The following TRAM2 variants were observed in gnomAD, a reference collection of about 807,000 sequenced individuals.
The protein encoded by TRAM2 is translocation associated membrane protein 2, also known as translocating chain-associated membrane protein 2.
A neutral mutation model predicts 51.0 loss-of-function variants in TRAM2; 12 were observed. The observed-to-expected ratio is 0.24, with a 90% CI of 0.15 to 0.38. TRAM2 has a LOEUF of 0.38. TRAM2 is among the 10% of genes least tolerant of loss of function. The pLI, the probability that TRAM2 is intolerant of heterozygous loss-of-function variation, is 1.00. For synonymous variants in TRAM2, 175 were observed against 179.4 expected, an observed-to-expected ratio of 0.98 and a Z score of 0.20; for missense variants, 361 against 462.0, an observed-to-expected ratio of 0.78 and a Z score of 2.00.
chr6:52,513,798 G>T (rs887271583), intron 4 of TRAM2, among the ~76,000 whole-genome samples: 1 of 152,186 alleles, frequency 6.6e-6, no homozygotes, highest in African/African-American at 2.4e-5. Context: ...GGAATGTATG[G>T]TTTTATTTCT....
At chr6:52,504,852 C>G in intron 9 of TRAM2, 98 bp from the exon 10 acceptor site, 3 of 1,142,780 alleles carry the variant, frequency 2.6e-6, no homozygotes, top group Non-Finnish European at 3.7e-6. Flanking sequence ...CCCTGCAGTT[C>G]CCATGGCTTA....
At chr6:52,557,696 G>A (rs1439688721) in intron 1 of TRAM2, among the ~76,000 whole-genome samples, 2 of 152,174 alleles carry the variant, frequency 1.3e-5, no homozygotes. Context: ...CAGGGAAGAA[G>A]AGCCTGTGAG....
At chr6:52,531,130 A>G (rs1049902707) in intron 2 of TRAM2, among the ~76,000 whole-genome samples, 1 of 151,662 alleles carries the variant, frequency 6.6e-6, no homozygotes, top group African/African-American at 2.4e-5. Context: ...CAAAAAAAAA[A>G]AAAAAAAAAA....
At chr6:52,555,482 G>A (rs373151846) in intron 1 of TRAM2, among the ~76,000 whole-genome samples, 6 of 152,078 alleles carry the variant, frequency 3.9e-5, no homozygotes, top group East Asian at 3.9e-4. Context: ...GAAATCCTAC[G>A]ACAGAGAAAA....
chr6:52,559,076 A>T (rs1426896948), intron 1 of TRAM2, among the ~76,000 whole-genome samples: 3 of 152,208 alleles, frequency 2.0e-5, no homozygotes, highest in Non-Finnish European at 4.4e-5. Flanking sequence ...ACTTGGAAAG[A>T]GATGATCACA....
intron 1 of TRAM2, among the ~76,000 whole-genome samples, chr6:52,557,544 AC>A (rs2114101469): frequency 6.6e-6 from 1 of 152,320 alleles, no homozygotes; most frequent in South Asian, 2.1e-4. Flanking sequence ...AAAGAATCAG[AC>A]AATCTAAATC....
intron 1 of TRAM2, among the ~76,000 whole-genome samples, chr6:52,561,031 G>A (rs1767489840): frequency 6.6e-6 from 1 of 152,128 alleles, no homozygotes; most frequent in African/African-American, 2.4e-5. Flanking sequence ...GCACTTCGCA[G>A]TACAATAAAA....
chr6:52,547,506 G>A (rs1355614901), intron 1 of TRAM2, among the ~76,000 whole-genome samples: 1 of 152,234 alleles, frequency 6.6e-6, no homozygotes, highest in Admixed American at 6.5e-5. Flanking sequence ...AGAGGAGCTA[G>A]AGGGGAGAGA....
chr6:52,514,879 TCA>T (rs926171118), intron 4 of TRAM2, among the ~76,000 whole-genome samples: 3 of 152,228 alleles, frequency 2.0e-5, no homozygotes, highest in Non-Finnish European at 4.4e-5. Flanking sequence ...GATGCACTGT[TCA>T]CACAGTGTCA....
Position 52,503,131 on chromosome 6 carries a change from G to A in TRAM2, c.*66C>T. 1 of 1,353,710 alleles carries A rather than the reference G, an allele frequency of 7.4e-7. No homozygotes were observed. The highest frequency in any genetic ancestry group is 1.1e-6 in the Non-Finnish European group (1 of 943,416). The allele number at this position is 1,353,710 out of a possible 1,614,324, so 83.9% of individuals were successfully genotyped here. On this transcript the variant is annotated 3_prime_UTR_variant, in exon 11 of 11. Transcript: ENST00000182527. The stretch of plus-strand genomic sequence containing the variant: ...AGGCAGGAAGGAGGAGGCAGGGAGG[G>A]GGCCTGGGCTCCTTGCCCCCTGCTC...
intron 4 of TRAM2, 66 bp downstream of exon 4, chr6:52,515,940 A>G (rs1436307528): frequency 1.0e-5 from 14 of 1,394,598 alleles, no homozygotes; most frequent in African/African-American, 1.0e-4. Flanking sequence ...TTGATTAGCA[A>G]TCCCAGAGCT....
chr6:52,558,193 G>A (rs554211923), intron 1 of TRAM2, among the ~76,000 whole-genome samples: 175 of 152,236 alleles, frequency 1.1e-3, no homozygotes, highest in Non-Finnish European at 1.8e-3. Context: ...GGGGAGCAGA[G>A]AAATTCCTTC....
At chr6:52,534,509 T>A (rs4715306) in intron 2 of TRAM2, among the ~76,000 whole-genome samples, 4 of 152,042 alleles carry the variant, frequency 2.6e-5, no homozygotes, top group Non-Finnish European at 5.9e-5. Context: ...AGCGATACTC[T>A]GGTGCTGGTG....
chr6:52,557,527 A>G (rs1767430949), intron 1 of TRAM2, among the ~76,000 whole-genome samples: 1 of 152,242 alleles, frequency 6.6e-6, no homozygotes, highest in Admixed American at 6.5e-5. Flanking sequence ...TAAGTACAGG[A>G]GTCGGTAAAG....
intron 4 of TRAM2, among the ~76,000 whole-genome samples, chr6:52,509,839 T>A (rs1766421748): frequency 6.6e-6 from 1 of 152,044 alleles, no homozygotes; most frequent in African/African-American, 2.4e-5. Context: ...TGAAGATGAG[T>A]CTGACAAGCG....
intron 2 of TRAM2, among the ~76,000 whole-genome samples, chr6:52,525,549 C>T (rs1431132902): frequency 6.6e-6 from 1 of 152,182 alleles, no homozygotes; most frequent in Non-Finnish European, 1.5e-5. Flanking sequence ...GTGCCTTAGG[C>T]CTGTAATCCC....
rs369813787 is a variant in TRAM2, at chr6:52,505,601, G to A, written c.873C>T (p.Cys291=). The A allele has an allele frequency of 1.2e-6, 2 of 1,609,044 alleles. No homozygotes were observed. Among genetic ancestry groups the A allele is most frequent in the East Asian group, 2.2e-5 (1 of 44,772 alleles). ...PEKGNFNTLF[C]RLCVLLLVCA... ...CCTTGGACTTCTGCTCGACTCACCT[G>A]CAAAACAAAGTGTTGAAGTTCCCTT... is the stretch of plus-strand genomic sequence containing the variant. The change falls in exon 9 of 11, where the codon TGC becomes TGT. Residue 291 remains cysteine (C), a splice_region_variant and synonymous_variant. Transcript: ENST00000182527.
intron 2 of TRAM2, chr6:52,523,225 A>G: frequency 3.6e-6 from 1 of 275,064 alleles, no homozygotes; most frequent in Non-Finnish European, 6.7e-6. Flanking sequence ...ATATAAATCC[A>G]GAATTAGATA....
chr6:52,518,639 T>C (rs1333063044), intron 2 of TRAM2, among the ~76,000 whole-genome samples: 1 of 152,008 alleles, frequency 6.6e-6, no homozygotes, highest in Non-Finnish European at 1.5e-5. Context: ...TGATGAGCCT[T>C]GGCCACTGAG....
Sources: gnomAD v4.1 joint callset for allele counts (sites outside exome capture counted in the v4.1 genomes callset) on GRCh38, gnomAD v4.1.1 for gene constraint, MANE v1.5 for transcripts, NCBI Gene and HGNC (gene_info 2026-07-23, HGNC 2026-07-21) for gene names.